SCUBE1: variants seen among roughly 807,000 people sequenced by gnomAD.
SCUBE1 encodes the protein signal peptide, CUB and EGF-like domain-containing protein 1.
A neutral mutation model predicts 124.4 loss-of-function variants in SCUBE1; 59 were observed. The ratio of observed to expected loss-of-function variants is 0.47; its 90% CI spans 0.38 to 0.59. The LOEUF (loss-of-function observed/expected upper bound fraction) is 0.59. SCUBE1 is among the 20% of genes least tolerant of loss of function. The pLI, the probability that SCUBE1 is intolerant of heterozygous loss-of-function variation, is 0.00. For synonymous variants in SCUBE1, 545 were observed against 550.9 expected (o/e 0.99, Z 0.15); for missense variants, 1,150 against 1,371.2 (o/e 0.84, Z 2.55).
chr22:43,323,776 C>T (rs998482313), intron 2 of SCUBE1, among the ~76,000 whole-genome samples: 39 of 152,174 alleles, frequency 2.6e-4, no homozygotes, highest in Admixed American at 1.0e-3. Context: ...TCTATTAACT[C>T]ACTGATTCCT....
Position 43,218,294 on chromosome 22 carries a change from C to T in SCUBE1, c.1852G>A (p.Ala618Thr). 1.9e-6 allele frequency: 3 copies of T among 1,613,208 alleles called. No homozygotes were observed. Among genetic ancestry groups the T allele is most frequent in the Non-Finnish European group, 2.5e-6 (3 of 1,180,000 alleles). ...RPAKALEGQG[A>T]CGAGQVLQDS... is the part of the protein sequence containing the mutation. ...TGTAGCACCTGGCCTGCGCCACATG[C>T]CCCCTGCCCCTCCAGCGCCTTGGCT... The change falls in exon 15 of 22, where the codon GCA becomes ACA. Residue 618 changes from alanine (A) to threonine (T), a missense_variant. Around this residue, in one of 3 missense-constraint regions of SCUBE1, gnomAD observed 757 missense variants for 840.9 expected, o/e 0.90. Transcript: ENST00000360835.
At chr22:43,277,978 C>T (rs752060053) in intron 4 of SCUBE1, among the ~76,000 whole-genome samples, 3 of 152,262 alleles carry the variant, frequency 2.0e-5, no homozygotes, top group Non-Finnish European at 4.4e-5. Context: ...GAAAGTTCTG[C>T]AGCTTAGGGG....
At chr22:43,213,578 T>C (rs1921668014) in intron 16 of SCUBE1, 1 of 152,330 alleles carries the variant, frequency 6.6e-6, no homozygotes, top group African/African-American at 2.4e-5. Flanking sequence ...AAAAGCTCTT[T>C]GCAAACCTAA....
At position 43,234,702 on chromosome 22, in the gene SCUBE1, C is replaced by T. The variant is rs1922689779; in HGVS notation, c.845-2827G>A. 6.6e-6 allele frequency among the ~76,000 whole-genome samples: 1 copy of T among 152,174 alleles called. No homozygotes were observed. Among genetic ancestry groups the T allele is most frequent in the Admixed American group, 6.5e-5 (1 of 15,290 alleles). Reference sequence around the variant, plus strand: ...CGCTCCTTCCTGGGTTCCCACCCCACCGCCCCACACCAGGCAGCCAGCACC... The same window carrying T: ...CGCTCCTTCCTGGGTTCCCACCCCATCGCCCCACACCAGGCAGCCAGCACC... On this transcript the variant is annotated intron_variant, in intron 7 of 21. Transcript: ENST00000360835. The surrounding 1 kb of genome is among the most constrained non-coding windows in gnomAD (Gnocchi z 4.4).
At chr22:43,245,482 G>T (rs770323527) in intron 6 of SCUBE1, among the ~76,000 whole-genome samples, 5 of 152,152 alleles carry the variant, frequency 3.3e-5, no homozygotes, top group Non-Finnish European at 5.9e-5. Context: ...GTGGCTGGAC[G>T]CAGGGTGACT....
chr22:43,200,339 C>T lies in SCUBE1; in HGVS notation c.*3658G>A, dbSNP rs917604374. On this transcript the variant is annotated 3_prime_UTR_variant, in exon 22 of 22. Transcript: ENST00000360835. ...CGAGGAGGGGCTATGCCGGCCTCCC[C>T]TCAGACAGCATGGGGGCCTCCTGGA... The T allele has an allele frequency of 5.9e-5, 9 of 152,390 alleles. No individual in the cohort carries two copies. Among genetic ancestry groups the T allele is most frequent in the Non-Finnish European group, 5.9e-5 (4 of 68,146 alleles). 9.4% of individuals were successfully genotyped at this position (152,390 alleles called of 1,614,324 possible). A position where few individuals can be genotyped will look rare whatever the true frequency, so the allele number is the denominator to read the frequency against.
chr22:43,238,998 A>G (rs1569504218), intron 6 of SCUBE1, 44 bp from the exon 7 acceptor site: 1 of 1,488,074 alleles, frequency 6.7e-7, no homozygotes, highest in South Asian at 1.1e-5. Context: ...CTTGGACAGA[A>G]GCCACTGGCT....
chr22:43,285,945 G>A (rs1376905344), intron 4 of SCUBE1, among the ~76,000 whole-genome samples: 2 of 152,204 alleles, frequency 1.3e-5, no homozygotes, highest in South Asian at 2.1e-4. Flanking sequence ...CTAGTTTGTC[G>A]AGGACAAAGC....
chr22:43,223,454 G>T (rs1353838512), intron 10 of SCUBE1, among the ~76,000 whole-genome samples: 1 of 152,172 alleles, frequency 6.6e-6, no homozygotes, highest in Non-Finnish European at 1.5e-5. Flanking sequence ...CTGTGAGAAG[G>T]TTCATGTCCC....
In SCUBE1 at chr22:43,265,929, C is replaced by T. The variant is rs919240087; in HGVS notation, c.485-3084G>A. On this transcript the variant is annotated intron_variant, in intron 4 of 21. Coordinates refer to ENST00000360835, the MANE Select transcript of SCUBE1 (RefSeq NM_173050.5). ...TAGCCTGGCCAACGTGGTAAAACCC[C>T]GTCTCTACTAAAAATACAAACATTA... 3.9e-5 allele frequency among the ~76,000 whole-genome samples: 6 copies of T among 152,018 alleles called. 1 individual carries two copies. The highest frequency in any genetic ancestry group is 8.8e-5 in the Non-Finnish European group (6 of 67,992).
Position 43,199,023 on chromosome 22 carries a change from T to C in SCUBE1, c.*4974A>G, listed in dbSNP as rs569246948. The C allele has an allele frequency of 1.4e-5, 5 of 352,628 alleles. No individual in the cohort carries two copies. Among genetic ancestry groups the C allele is most frequent in the African/African-American group, 4.4e-5 (2 of 45,970 alleles). The allele number at this position is 352,628 out of a possible 1,614,324, so 21.8% of individuals were successfully genotyped here. A position where few individuals can be genotyped will look rare whatever the true frequency, so the allele number is the denominator to read the frequency against. On this transcript the variant is annotated 3_prime_UTR_variant, in exon 22 of 22. Coordinates refer to ENST00000360835, the MANE Select transcript of SCUBE1 (RefSeq NM_173050.5). ...CTGCTGTCCGGGGCAGTGTGTCTGT[T>C]TGTCTCTCTGCTGTCCAGGGCAATG...
At chr22:43,320,217 T>TA (rs990326657) in intron 2 of SCUBE1, 152 bp from the exon 3 acceptor site, 1 of 906,834 alleles carries the variant, frequency 1.1e-6, no homozygotes, top group African/African-American at 1.7e-5. Context: ...TCAAGTATTA[T>TA]AAAAATGCTA....
rs1921069811 is a variant in SCUBE1 at position 43,203,047 on chromosome 22, C to G, written c.*950G>C. 6.6e-6 allele frequency: 1 copy of G among 152,314 alleles called. No individual in the cohort carries two copies. Among genetic ancestry groups the G allele is most frequent in the Non-Finnish European group, 1.5e-5 (1 of 68,092 alleles). 9.4% of individuals were successfully genotyped at this position (152,314 alleles called of 1,614,324 possible). ...CGAGGGGAAGTGTCTTCCACTGAGT[C>G]TCGTCCAAGGGCAGTGATGTTGCTG... On this transcript the variant is annotated 3_prime_UTR_variant, in exon 22 of 22. Transcript: ENST00000360835.
chr22:43,232,949 C>T (rs940430390), intron 7 of SCUBE1, among the ~76,000 whole-genome samples: 10 of 152,230 alleles, frequency 6.6e-5, no homozygotes, highest in African/African-American at 2.4e-4. Context: ...TCAGCTACTC[C>T]CAAATTCCTC....
chr22:43,260,436 C>T (rs901962516), intron 5 of SCUBE1, among the ~76,000 whole-genome samples: 2 of 152,206 alleles, frequency 1.3e-5, no homozygotes, highest in African/African-American at 4.8e-5. Context: ...GGGCTCTGGA[C>T]GGATGACAGC....
Position 43,211,092 on chromosome 22 carries a change from G to C in SCUBE1, c.2222-9C>G. On this transcript the variant is annotated splice_polypyrimidine_tract_variant and intron_variant, in intron 17 of 21. Transcript: ENST00000360835. The surrounding 1 kb of genome is among the most constrained non-coding windows in gnomAD (Gnocchi z 4.5). Reference sequence around the variant, plus strand: ...GCCGGGGGAGCAGTGCACTGCCGGGGGACACAAGGCAGTGTGGTGGGTGTG... The same window carrying C: ...GCCGGGGGAGCAGTGCACTGCCGGGCGACACAAGGCAGTGTGGTGGGTGTG... The C allele has an allele frequency of 2.5e-6, 4 of 1,604,448 alleles. No homozygotes were observed. The highest frequency in any genetic ancestry group is 3.4e-6 in the Non-Finnish European group (4 of 1,175,206).
At chr22:43,287,960 G>A (rs984109348) in intron 4 of SCUBE1, among the ~76,000 whole-genome samples, 5 of 152,214 alleles carry the variant, frequency 3.3e-5, no homozygotes, top group African/African-American at 1.2e-4. Context: ...GCTGACCACT[G>A]TGCTGTGTGC....
chr22:43,307,160 G>A (rs898011269), intron 3 of SCUBE1, among the ~76,000 whole-genome samples: 2 of 152,230 alleles, frequency 1.3e-5, no homozygotes, highest in Non-Finnish European at 2.9e-5. Context: ...AAGGAAGAGA[G>A]ATCTCCCCTG....
At chr22:43,204,447 C>T (rs984897354) in intron 21 of SCUBE1, among the ~76,000 whole-genome samples, 1 of 151,858 alleles carries the variant, frequency 6.6e-6, no homozygotes, top group Non-Finnish European at 1.5e-5. Context: ...TATAGGCATG[C>T]ACCACCACAC....
Sources: allele counts gnomAD v4.1 joint callset (sites outside exome capture counted in the v4.1 genomes callset), GRCh38; gene constraint gnomAD v4.1.1; regional missense constraint gnomAD v4.1.1; non-coding constraint Gnocchi (gnomAD v3.1); transcripts MANE v1.5; gene names NCBI Gene and HGNC (gene_info 2026-07-23, HGNC 2026-07-21).